The following LANCL3 variants were observed in gnomAD, a reference collection of about 807,000 sequenced individuals.
LANCL3 encodes lanC-like protein 3.
A neutral mutation model predicts 26.5 loss-of-function variants in LANCL3; 19 were observed. The ratio of observed to expected loss-of-function variants is 0.72; its 90% CI spans 0.50 to 1.05. The LOEUF (loss-of-function observed/expected upper bound fraction) is 1.05, where lower values mean the gene tolerates loss of function less well. Ranked by LOEUF, LANCL3 falls within the 50% of genes least tolerant of loss-of-function variation. LANCL3 has a pLI of 0.00. For missense variants in LANCL3, 318 were observed against 362.7 expected, an observed-to-expected ratio of 0.88 and a Z score of 1.00; for synonymous variants, 160 against 166.6, an observed-to-expected ratio of 0.96 and a Z score of 0.30.
At chrX:37,659,949 C>T (rs1366400027) in intron 3 of LANCL3, among the ~76,000 whole-genome samples, 2 of 110,728 alleles carry the variant, frequency 1.8e-5, no homozygotes, top group Non-Finnish European at 3.8e-5. Flanking sequence ...TTTTAGTAAC[C>T]TCATTAAAAA....
chrX:37,611,568 G>T (rs1420800195), intron 1 of LANCL3, among the ~76,000 whole-genome samples: 3 of 111,901 alleles, frequency 2.7e-5, no homozygotes, highest in African/African-American at 9.8e-5. Flanking sequence ...AGTAGTTATA[G>T]AAAAAGGATA....
chrX:37,590,690 T>C (rs1474213348), intron 1 of LANCL3, among the ~76,000 whole-genome samples: 1 of 112,354 alleles, frequency 8.9e-6, no homozygotes, highest in Non-Finnish European at 1.9e-5. Flanking sequence ...TAGCTCTGCT[T>C]ATGATCTTCA....
intron 1 of LANCL3, among the ~76,000 whole-genome samples, chrX:37,639,322 T>A (rs1226097768): frequency 9.6e-6 from 1 of 104,568 alleles, no homozygotes; most frequent in Non-Finnish European, 2.0e-5. Context: ...ATAACATGCA[T>A]GTATGTAGGT....
At chrX:37,583,481 CTT>C in intron 1 of LANCL3, among the ~76,000 whole-genome samples, 1 of 111,765 alleles carries the variant, frequency 8.9e-6, no homozygotes, top group Admixed American at 9.5e-5. Flanking sequence ...TTTGTATCCT[CTT>C]TTATTTCATT....
intron 1 of LANCL3, among the ~76,000 whole-genome samples, chrX:37,574,585 A>G (rs1480489751): frequency 8.9e-6 from 1 of 111,961 alleles, no homozygotes; most frequent in African/African-American, 3.3e-5. Flanking sequence ...CTAAGAAACA[A>G]ATATTTCAAA....
chrX:37,664,891 C>T (rs1926508245), intron 3 of LANCL3, among the ~76,000 whole-genome samples: 1 of 111,767 alleles, frequency 8.9e-6, no homozygotes, highest in Admixed American at 9.5e-5. Flanking sequence ...TGGACATAAT[C>T]TCTTTTTTTA....
At chrX:37,663,736 A>G (rs1286805986) in intron 3 of LANCL3, among the ~76,000 whole-genome samples, 1 of 111,308 alleles carries the variant, frequency 9.0e-6, no homozygotes, top group Non-Finnish European at 1.9e-5. Context: ...AGAGCCTGAG[A>G]GAGGCCAGCA....
intron 1 of LANCL3, among the ~76,000 whole-genome samples, chrX:37,614,669 C>G (rs1556421531): frequency 2.7e-5 from 3 of 112,220 alleles, no homozygotes; most frequent in African/African-American, 9.7e-5. Flanking sequence ...CAATTTAGAT[C>G]AAACTCCAAG....
chrX:37,655,304 A>G (rs1156833745), intron 1 of LANCL3, among the ~76,000 whole-genome samples: 2 of 112,131 alleles, frequency 1.8e-5, no homozygotes, highest in African/African-American at 6.5e-5. Flanking sequence ...CCAGACCTAC[A>G]CTGTACACCA....
chrX:37,662,770 G>T (rs1484402298), intron 3 of LANCL3, among the ~76,000 whole-genome samples: 1 of 109,941 alleles, frequency 9.1e-6, no homozygotes, highest in African/African-American at 3.3e-5. Flanking sequence ...ATGATGAAAT[G>T]ATGTGGCTCC....
In LANCL3 at chrX:37,682,102, T is replaced by A. The variant is rs1459347381; in HGVS notation, c.*6289T>A. The A allele has an allele frequency of 9.1e-6, 1 of 109,726 alleles. No individual in the cohort carries two copies. Among genetic ancestry groups the A allele is most frequent in the Admixed American group, 9.7e-5 (1 of 10,352 alleles). The allele number at this position is 109,726 out of a possible 1,213,427, so 9.0% of individuals were successfully genotyped here. On this transcript the variant is annotated 3_prime_UTR_variant, in exon 5 of 5. Coordinates refer to ENST00000378619, the MANE Select transcript of LANCL3 (RefSeq NM_001170331.2). Reference sequence around the variant, plus strand: ...GATGTTTTATTTTTATTTTTATTTTTTTATTTTTTTTTTTTTTTGAGACGG... The same window carrying A: ...GATGTTTTATTTTTATTTTTATTTTATTATTTTTTTTTTTTTTTGAGACGG...
chrX:37,604,786 A>G (rs1352852186), intron 1 of LANCL3, among the ~76,000 whole-genome samples: 4 of 112,696 alleles, frequency 3.5e-5, no homozygotes, highest in South Asian at 3.7e-4. Context: ...AGTTCGAACA[A>G]AGCAAGTCAT....
intron 1 of LANCL3, among the ~76,000 whole-genome samples, chrX:37,604,780 C>T (rs1324319375): frequency 5.3e-5 from 6 of 112,542 alleles, no homozygotes; most frequent in East Asian, 2.8e-4. Flanking sequence ...GCAGCCAGTT[C>T]GAACAAAGCA....
chrX:37,635,191 C>T lies in LANCL3; in HGVS notation c.574-20497C>T, dbSNP rs782055468. Among the ~76,000 whole-genome samples, 19 of 111,738 alleles carry T rather than the reference C, an allele frequency of 1.7e-4. No homozygotes were observed. In the South Asian group the frequency reaches 3.0e-3, roughly 18 times the overall value. On this transcript the variant is annotated intron_variant, in intron 1 of 4. Coordinates refer to ENST00000378619, the MANE Select transcript of LANCL3 (RefSeq NM_001170331.2). Reference sequence around the variant, plus strand: ...AAGAAAAGACTTTTAAGATCCGTTTCATGAATGAGAAAACTGACATCCAGA... The same window carrying T: ...AAGAAAAGACTTTTAAGATCCGTTTTATGAATGAGAAAACTGACATCCAGA...
intron 1 of LANCL3, among the ~76,000 whole-genome samples, chrX:37,604,626 T>A (rs1344566776): frequency 1.8e-5 from 2 of 112,046 alleles, no homozygotes; most frequent in Admixed American, 1.9e-4. Context: ...GGCTCACTTA[T>A]ACGTTTTTCA....
intron 1 of LANCL3, among the ~76,000 whole-genome samples, chrX:37,642,437 A>G (rs1320604494): frequency 8.9e-6 from 1 of 111,795 alleles, no homozygotes; most frequent in Non-Finnish European, 1.9e-5. Context: ...ATGTCCAAAA[A>G]TCCCAGAATT....
chrX:37,672,491 G>A (rs1926707946), intron 4 of LANCL3, among the ~76,000 whole-genome samples: 1 of 111,946 alleles, frequency 8.9e-6, no homozygotes, highest in Non-Finnish European at 1.9e-5. Context: ...GCCTTTCAGC[G>A]CTGGGTTTTA....
At chrX:37,664,504 CT>C (rs2032245510) in intron 3 of LANCL3, among the ~76,000 whole-genome samples, 1 of 110,487 alleles carries the variant, frequency 9.1e-6, no homozygotes, top group East Asian at 2.9e-4. Context: ...TTTTTTGTTT[CT>C]TTTTTTTATT....
At chrX:37,619,093 G>A (rs889323923) in intron 1 of LANCL3, among the ~76,000 whole-genome samples, 2 of 111,178 alleles carry the variant, frequency 1.8e-5, no homozygotes, top group African/African-American at 6.5e-5. Flanking sequence ...AGACATAATT[G>A]TGTAGAATAA....
Sources: allele counts gnomAD v4.1 joint callset (sites outside exome capture counted in the v4.1 genomes callset), GRCh38; gene constraint gnomAD v4.1.1; transcripts MANE v1.5; gene names NCBI Gene and HGNC (gene_info 2026-07-23, HGNC 2026-07-21).